Variants in MBTPS2 observed in about 807,000 individuals in gnomAD.
MBTPS2 encodes the protein membrane bound transcription factor peptidase, site 2.
A neutral mutation model predicts 35.4 loss-of-function variants in MBTPS2; 2 were observed. That is an observed-to-expected ratio of 0.06 (90% CI 0.02 to 0.18). The LOEUF is 0.18. Among genes scored for constraint, MBTPS2 ranks in the 10% least tolerant of loss-of-function variants. The pLI, the probability that MBTPS2 is intolerant of heterozygous loss-of-function variation, is 1.00. For missense variants in MBTPS2, 244 were observed against 386.5 expected, an observed-to-expected ratio of 0.63 and a Z score of 3.09; for synonymous variants, 125 against 140.4, an observed-to-expected ratio of 0.89 and a Z score of 0.77.
chrX:21,852,525 C>T lies in MBTPS2; in HGVS notation c.543-851C>T, dbSNP rs149914922. ...CTGGGTTTTTTTTTTCTTTTAAAAT[C>T]GCCTTCAGTGCTTTGCAGCCTTTAG... is the stretch of plus-strand genomic sequence containing the variant. On this transcript the variant is annotated intron_variant, in intron 4 of 10. Coordinates refer to ENST00000379484, the MANE Select transcript of MBTPS2 (RefSeq NM_015884.4). 6.8e-3 allele frequency among the ~76,000 whole-genome samples: 742 copies of T among 109,396 alleles called. 8 individuals carry two copies. The highest frequency in any genetic ancestry group is 0.023 in the African/African-American group (703 of 30,145). The allele number at this position is 109,396 out of a possible 115,157, so 95.0% of individuals were successfully genotyped here. A position where few individuals can be genotyped will look rare whatever the true frequency, so the allele number is the denominator to read the frequency against.
intron 5 of MBTPS2, 132 bp from the exon 6 acceptor site, chrX:21,868,335 A>G: frequency 1.8e-6 from 1 of 557,035 alleles, no homozygotes; most frequent in Non-Finnish European, 3.3e-6. Context: ...ACTAATAAGT[A>G]GATATTTTTG....
intron 5 of MBTPS2, chrX:21,857,105 A>G (rs1383233097): frequency 8.3e-7 from 1 of 1,209,550 alleles, no homozygotes; most frequent in African/African-American, 1.8e-5. Flanking sequence ...CTGAAAACCC[A>G]CCTGATTATT....
chrX:21,867,464 CTATT>C (rs1315928578), intron 5 of MBTPS2, among the ~76,000 whole-genome samples: 1 of 110,606 alleles, frequency 9.0e-6, no homozygotes, highest in Non-Finnish European at 1.9e-5. Flanking sequence ...AAAAATAAAA[CTATT>C]TAAACCATCC....
At chrX:21,853,907 A>G (rs1202296038) in intron 5 of MBTPS2, among the ~76,000 whole-genome samples, 1 of 111,464 alleles carries the variant, frequency 9.0e-6, no homozygotes, top group East Asian at 2.8e-4. Flanking sequence ...AGTGAACTCT[A>G]GCACTGTCAG....
intron 5 of MBTPS2, among the ~76,000 whole-genome samples, chrX:21,864,749 G>A (rs1348522230): frequency 9.0e-6 from 1 of 111,301 alleles, no homozygotes; most frequent in Admixed American, 9.5e-5. Context: ...CTTGAGCCTG[G>A]GGGGCAGAGG....
intron 4 of MBTPS2, among the ~76,000 whole-genome samples, chrX:21,853,046 C>T (rs1423120558): frequency 2.7e-5 from 3 of 110,726 alleles, no homozygotes; most frequent in African/African-American, 9.8e-5. Context: ...AAATGTTTTT[C>T]ATTTAGTTTC....
chrX:21,875,501 C>T (rs1163633299), intron 7 of MBTPS2, among the ~76,000 whole-genome samples: 1 of 112,348 alleles, frequency 8.9e-6, no homozygotes, highest in East Asian at 2.8e-4. Flanking sequence ...CATGCCGTAT[C>T]ATTAGCGATA....
intron 5 of MBTPS2, among the ~76,000 whole-genome samples, chrX:21,868,083 C>T (rs1032405646): frequency 9.0e-6 from 1 of 111,162 alleles, no homozygotes; most frequent in Admixed American, 9.6e-5. Context: ...GTTTCTGTAC[C>T]CCTGTTTAGC....
intron 9 of MBTPS2, among the ~76,000 whole-genome samples, chrX:21,879,761 C>T (rs925419547): frequency 9.1e-6 from 1 of 110,112 alleles, no homozygotes; most frequent in African/African-American, 3.3e-5. Flanking sequence ...CTGTTCTTGT[C>T]ATTTCATATA....
rs960982689 is a variant in MBTPS2, at chrX:21,884,741, A to G, written c.*2086A>G. 6.0e-5 allele frequency: 39 copies of G among 655,089 alleles called. No individual in the cohort carries two copies. Among genetic ancestry groups the G allele is most frequent in the Non-Finnish European group, 2.0e-5 (11 of 550,021 alleles). The allele number at this position is 655,089 out of a possible 1,213,427, so 54.0% of individuals were successfully genotyped here. On this transcript the variant is annotated 3_prime_UTR_variant, in exon 11 of 11. Transcript: ENST00000379484. The stretch of plus-strand genomic sequence containing the variant: ...TTGCATCCCTGGCACAGTGCATGAG[A>G]CATAAGTACTTAATAAATGCAGTTG...
rs2092945065 is a variant in MBTPS2 at position 21,869,903 on chromosome X, A to C, written c.970+225A>C. On this transcript the variant is annotated intron_variant, in intron 7 of 10. Transcript: ENST00000379484. ...CTTCTAACTATTTTCATTATATCAT[A>C]TTTAACTTTTAGGACTCTAATATTT... 1.6e-5 allele frequency: 6 copies of C among 368,755 alleles called. No homozygotes were observed. The South Asian group carries it at 2.5e-4, about 16-fold the overall frequency. 30.4% of individuals were successfully genotyped at this position (368,755 alleles called of 1,213,427 possible). A position where few individuals can be genotyped will look rare whatever the true frequency, so the allele number is the denominator to read the frequency against.
intron 6 of MBTPS2, among the ~76,000 whole-genome samples, chrX:21,869,010 A>G (rs764516866): frequency 4.4e-4 from 50 of 112,679 alleles, no homozygotes; most frequent in Admixed American, 1.6e-3. Context: ...ACTCCCTTAG[A>G]CAATAACTGC....
chrX:21,845,127 T>C lies in MBTPS2; in HGVS notation c.225-44T>C, dbSNP rs776688883. On this transcript the variant is annotated intron_variant, in intron 2 of 10. Coordinates refer to ENST00000379484, the MANE Select transcript of MBTPS2 (RefSeq NM_015884.4). ...TTAGTGAATTTGCTAGTCCATGAAT[T>C]GAGAGAAATTGTAAATTAACATGAT... The C allele has an allele frequency of 2.5e-6, 3 of 1,210,466 alleles. No homozygotes were observed. In the East Asian group the frequency reaches 8.9e-5, roughly 36 times the overall value.
chrX:21,874,021 T>TATATAC (rs1555985335), intron 7 of MBTPS2, among the ~76,000 whole-genome samples: 1 of 47,312 alleles, frequency 2.1e-5, no homozygotes, highest in Non-Finnish European at 3.8e-5. Context: ...ATATATATAC[T>TATATAC]TTTTTTTTTT....
At chrX:21,879,952 T>C (rs192347654) in intron 9 of MBTPS2, among the ~76,000 whole-genome samples, 21 of 53,168 alleles carry the variant, frequency 3.9e-4, no homozygotes, top group South Asian at 9.0e-4. Flanking sequence ...TGTTATTCTT[T>C]TTTTTTTTTT....
Position 21,845,212 on chromosome X carries a change from G to C in MBTPS2, c.266G>C (p.Ser89Thr). The change falls in exon 3 of 11, where the codon AGC (serine) becomes ACC (threonine). Residue 89 changes from serine to threonine, a missense_variant. Physicochemically the swap from Ser to Thr is moderately conservative, Grantham distance 58 (BLOSUM62 1). Transcript: ENST00000379484. ...GMVFGVIAMF[S>T]SFFLLGKTLM... ...GTGTTTGGCGTAATTGCCATGTTTA[G>C]CTCATTTTTTCTCCTTGGAAAAACG... 1.7e-6 allele frequency: 2 copies of C among 1,211,309 alleles called. No homozygotes were observed. The highest frequency in any genetic ancestry group is 2.2e-6 in the Non-Finnish European group (2 of 895,211).
chrX:21,841,820 G>C (rs2092902962), intron 1 of MBTPS2: 1 of 112,148 alleles, frequency 8.9e-6, no homozygotes, highest in East Asian at 2.8e-4. Context: ...GTATCTGCCT[G>C]GGAAATGGAG....
intron 1 of MBTPS2, among the ~76,000 whole-genome samples, chrX:21,842,884 T>C (rs2092904315): frequency 9.0e-6 from 1 of 111,726 alleles, no homozygotes; most frequent in African/African-American, 3.3e-5. Context: ...TGTCTTTTTA[T>C]AATCCCTTAA....
At chrX:21,862,050 G>A (rs2092932045) in intron 5 of MBTPS2, among the ~76,000 whole-genome samples, 1 of 111,459 alleles carries the variant, frequency 9.0e-6, no homozygotes, top group Non-Finnish European at 1.9e-5. Context: ...GTTCTGTCTT[G>A]TTAGCTCTGC....
Sources: gnomAD v4.1 joint callset for allele counts (sites outside exome capture counted in the v4.1 genomes callset) on GRCh38, gnomAD v4.1.1 for gene constraint, MANE v1.5 for transcripts, NCBI Gene and HGNC (gene_info 2026-07-23, HGNC 2026-07-21) for gene names.